C19orf47: variants seen among roughly 807,000 people sequenced by gnomAD.
C19orf47 encodes uncharacterized protein C19orf47.
Under a neutral mutation model 32.3 loss-of-function variants are expected in C19orf47, and 18 were observed. The observed-to-expected ratio is 0.56, with a 90% CI of 0.39 to 0.83. The LOEUF (loss-of-function observed/expected upper bound fraction) is 0.83. C19orf47 is among the 40% of genes least tolerant of loss of function. The probability of loss-of-function intolerance (pLI) is 0.00; values close to 1 mark genes in which losing one functional copy is unlikely to be tolerated. For missense variants in C19orf47, 484 were observed against 531.6 expected (o/e 0.91, Z 0.88); for synonymous variants, 202 against 211.1 (o/e 0.96, Z 0.37).
At chr19:40,325,054 G>A (rs2077800637) in intron 7 of C19orf47, among the ~76,000 whole-genome samples, 1 of 151,768 alleles carries the variant, frequency 6.6e-6, no homozygotes, top group African/African-American at 2.4e-5. Context: ...TGGATCACCC[G>A]AGGTCAGGAG....
Position 40,343,385 on chromosome 19 carries a change from C to T in C19orf47, c.-33-1495G>A, listed in dbSNP as rs2078214711. The T allele has an allele frequency of 2.0e-5, 3 of 152,258 alleles. No homozygotes were observed. The South Asian group carries it at 6.2e-4, about 31-fold the overall frequency. The allele number at this position is 152,258 out of a possible 1,614,324, so 9.4% of individuals were successfully genotyped here. ...GTACAGTTCAAATCCAGCTCTACCACTTATTAGCTGTGTGATCTCGGCAAG... is the reference window on the plus strand; with the variant it reads ...GTACAGTTCAAATCCAGCTCTACCATTTATTAGCTGTGTGATCTCGGCAAG... On this transcript the variant is annotated intron_variant, in intron 1 of 8. Coordinates refer to ENST00000683109, the MANE Select transcript of C19orf47 (RefSeq NM_001256441.2).
chr19:40,308,486 CAG>C, the C19orf47 span, among the ~76,000 whole-genome samples: 3 of 135,818 alleles, frequency 2.2e-5, no homozygotes, highest in East Asian at 2.2e-4. Flanking sequence ...TTTTTTGAGA[CAG>C]AGTCTTGCTC....
intron 8 of C19orf47, 146 bp from the exon 9 acceptor site, chr19:40,322,522 T>G: frequency 9.0e-7 from 1 of 1,108,034 alleles, no homozygotes; most frequent in Non-Finnish European, 1.2e-6. Context: ...GCGAGAGCCA[T>G]GATGGGGGAG....
intron 7 of C19orf47, 108 bp downstream of exon 7, chr19:40,326,226 G>A (rs1200071723): frequency 2.5e-5 from 37 of 1,476,274 alleles, no homozygotes; most frequent in Non-Finnish European, 2.9e-5. Context: ...CTGCATCCCC[G>A]TTAGAACCTG....
chr19:40,300,188 C>T, the C19orf47 span, among the ~76,000 whole-genome samples: 6 of 151,898 alleles, frequency 4.0e-5, no homozygotes, highest in East Asian at 1.9e-4. Context: ...GTTATATGGC[C>T]GGGTGCAATG....
At chr19:40,301,093 G>A in the C19orf47 span, among the ~76,000 whole-genome samples, 1 of 152,044 alleles carries the variant, frequency 6.6e-6, no homozygotes, top group Non-Finnish European at 1.5e-5. Flanking sequence ...AGCCCGGGAG[G>A]TGGAGGTTAC....
At chr19:40,338,264 T>TACACAC (rs770769948) in intron 2 of C19orf47, among the ~76,000 whole-genome samples, 802 of 77,654 alleles carry the variant, frequency 0.01, 4 homozygotes, top group South Asian at 0.035. Context: ...TATACATATA[T>TACACAC]ATACACACAC....
At chr19:40,300,113 A>C in the C19orf47 span, among the ~76,000 whole-genome samples, 1 of 152,178 alleles carries the variant, frequency 6.6e-6, no homozygotes, top group South Asian at 2.1e-4. Context: ...ATGATGCTAA[A>C]CGTTTATATT....
Position 40,321,516 on chromosome 19 carries a change from G to A in C19orf47, c.*366C>T. 1.9e-6 allele frequency: 2 copies of A among 1,042,430 alleles called. No individual in the cohort carries two copies. The highest frequency in any genetic ancestry group is 8.4e-5 in the East Asian group (1 of 11,868). The allele number at this position is 1,042,430 out of a possible 1,614,324, so 64.6% of individuals were successfully genotyped here. On this transcript the variant is annotated 3_prime_UTR_variant, in exon 9 of 9. Coordinates refer to ENST00000683109, the MANE Select transcript of C19orf47 (RefSeq NM_001256441.2). ...CCACTTAGTTGAGGGGGACAGGGAGGCTGATGAGCTGGGGTCTGAGGCAGC... is the reference window on the plus strand; with the variant it reads ...CCACTTAGTTGAGGGGGACAGGGAGACTGATGAGCTGGGGTCTGAGGCAGC...
At chr19:40,312,078 G>T in the C19orf47 span, among the ~76,000 whole-genome samples, 144 of 152,274 alleles carry the variant, frequency 9.5e-4, no homozygotes, top group Admixed American at 1.4e-3. Flanking sequence ...TCCAACACTG[G>T]TGTCTTATTT....
In C19orf47 at chr19:40,321,108, T is replaced by C; in HGVS notation, c.*774A>G. 1 of 376,848 alleles carries C rather than the reference T, an allele frequency of 2.7e-6. No individual in the cohort carries two copies. The highest frequency in any genetic ancestry group is 3.7e-6 in the Non-Finnish European group (1 of 271,986). 23.3% of individuals were successfully genotyped at this position (376,848 alleles called of 1,614,324 possible). ...ATTAAAACAGCAGCTGTCTTCACTC[T>C]AGGCACTGGCCTCCCTTCCCAGTGC... On this transcript the variant is annotated 3_prime_UTR_variant, in exon 9 of 9. Transcript: ENST00000683109.
downstream of C19orf47, among the ~76,000 whole-genome samples, chr19:40,314,554 C>G (rs2077649922): frequency 6.6e-6 from 1 of 152,142 alleles, no homozygotes; most frequent in African/African-American, 2.4e-5. Context: ...ATGATAACCT[C>G]AAATACAAAG....
At chr19:40,348,519 T>G (rs1320700599), upstream of C19orf47, 3 of 1,480,850 alleles carry the variant, frequency 2.0e-6, no homozygotes, top group Non-Finnish European at 2.7e-6. Flanking sequence ...AACCATCACG[T>G]GACCGCCCAC....
rs1600161872 is a variant in C19orf47 at position 40,321,462 on chromosome 19, T to G, written c.*420A>C. 2.2e-5 allele frequency: 22 copies of G among 990,820 alleles called. No homozygotes were observed. Among genetic ancestry groups the G allele is most frequent in the Admixed American group, 1.2e-4 (2 of 16,730 alleles). The allele number at this position is 990,820 out of a possible 1,614,324, so 61.4% of individuals were successfully genotyped here. A position where few individuals can be genotyped will look rare whatever the true frequency, so the allele number is the denominator to read the frequency against. On this transcript the variant is annotated 3_prime_UTR_variant, in exon 9 of 9. Coordinates refer to ENST00000683109, the MANE Select transcript of C19orf47 (RefSeq NM_001256441.2). Reference sequence around the variant, plus strand: ...AGGAGTGAGGGAGGTCAGTGGGGAGTGGGGGAAGGGAGGCCCACCAGGTGA... The same window carrying G: ...AGGAGTGAGGGAGGTCAGTGGGGAGGGGGGGAAGGGAGGCCCACCAGGTGA...
the C19orf47 span, among the ~76,000 whole-genome samples, chr19:40,312,720 G>C: frequency 6.6e-6 from 1 of 152,166 alleles, no homozygotes; most frequent in East Asian, 1.9e-4. Flanking sequence ...TAACCACCAG[G>C]TATCTGAGGA....
At chr19:40,294,502 C>T in the C19orf47 span, among the ~76,000 whole-genome samples, 1 of 151,844 alleles carries the variant, frequency 6.6e-6, no homozygotes, top group Non-Finnish European at 1.5e-5. Flanking sequence ...ATTATTTTCC[C>T]ATGTCTGTGT....
intron 5 of C19orf47, 58 bp downstream of exon 5, chr19:40,333,793 C>A: frequency 7.3e-7 from 1 of 1,374,570 alleles, no homozygotes; most frequent in Non-Finnish European, 9.9e-7. Context: ...CAGACGTGTC[C>A]CCTTCACTGA....
intron 1 of C19orf47, among the ~76,000 whole-genome samples, chr19:40,347,637 G>C (rs1442901694): frequency 1.3e-5 from 2 of 152,098 alleles, no homozygotes; most frequent in African/African-American, 4.8e-5. Flanking sequence ...AAAAAAACTA[G>C]TACTTCAGGA....
chr19:40,340,478 C>A (rs10420842), intron 2 of C19orf47, among the ~76,000 whole-genome samples: 31 of 149,790 alleles, frequency 2.1e-4, no homozygotes, highest in African/African-American at 7.1e-4. Flanking sequence ...GTCAAGAGAT[C>A]GAGACCATCC....
Sources: gnomAD v4.1 joint callset for allele counts (sites outside exome capture counted in the v4.1 genomes callset) on GRCh38, gnomAD v4.1.1 for gene constraint, MANE v1.5 for transcripts, NCBI Gene and HGNC (gene_info 2026-07-23, HGNC 2026-07-21) for gene names.